The following GABBR2 variants were observed in gnomAD, a reference collection of about 807,000 sequenced individuals.
GABBR2 encodes gamma-aminobutyric acid type B receptor subunit 2.
In GABBR2, 23 loss-of-function variants were observed where a neutral mutation model predicts 105.6. That is an observed-to-expected ratio of 0.22 (90% CI 0.16 to 0.31). The LOEUF is 0.31. Ranked by LOEUF, GABBR2 falls within the 10% of genes least tolerant of loss-of-function variation. The pLI is 1.00. For missense variants in GABBR2, 734 were observed against 1,245.5 expected (o/e 0.59, Z 6.18); for synonymous variants, 478 against 499.7 (o/e 0.96, Z 0.58).
At chr9:98,617,222 C>A (rs1935682797) in intron 1 of GABBR2, among the ~76,000 whole-genome samples, 2 of 152,210 alleles carry the variant, frequency 1.3e-5, no homozygotes, top group African/African-American at 4.8e-5. Flanking sequence ...ACTAAACATG[C>A]ACTGGGTGCC....
At chr9:98,379,471 G>A (rs1469478179) in intron 11 of GABBR2, among the ~76,000 whole-genome samples, 2 of 152,178 alleles carry the variant, frequency 1.3e-5, no homozygotes, top group Non-Finnish European at 2.9e-5. Flanking sequence ...ATTTTACTAT[G>A]TTGGCCAGGT....
chr9:98,528,936 G>A (rs967812853), intron 3 of GABBR2, among the ~76,000 whole-genome samples: 1 of 151,584 alleles, frequency 6.6e-6, no homozygotes, highest in African/African-American at 2.4e-5. Context: ...AATCAGAGAT[G>A]TTCCCACAAA....
At chr9:98,385,150 CTA>C (rs1176088379) in intron 11 of GABBR2, among the ~76,000 whole-genome samples, 1 of 152,282 alleles carries the variant, frequency 6.6e-6, no homozygotes, top group East Asian at 1.9e-4. Context: ...CCCTCCTTTT[CTA>C]TGTTACTCTG....
At chr9:98,706,200 G>A (rs1213810280) in intron 1 of GABBR2, among the ~76,000 whole-genome samples, 4 of 151,588 alleles carry the variant, frequency 2.6e-5, no homozygotes, top group African/African-American at 9.7e-5. Context: ...ACTGGCCGCT[G>A]AGCCTGCCAG....
Position 98,293,951 on chromosome 9 carries a change from T to TA in GABBR2, c.2543-50dup, listed in dbSNP as rs1170945450. The TA allele has an allele frequency of 3.9e-5, 45 of 1,161,100 alleles. 1 individual carries two copies. Among genetic ancestry groups the TA allele is most frequent in the Non-Finnish European group, 5.7e-5 (44 of 770,224 alleles). 71.9% of individuals were successfully genotyped at this position (1,161,100 alleles called of 1,614,324 possible). A position where few individuals can be genotyped will look rare whatever the true frequency, so the allele number is the denominator to read the frequency against. ...CAACATGTTCGGTTAACTTAGTTTT[T>TA]AAAAATCAACAATGCAACTTTTTGT... On this transcript the variant is annotated intron_variant, in intron 17 of 18. Transcript: ENST00000259455.
At position 98,547,327 on chromosome 9, in the gene GABBR2, TTATAA is replaced by T. The variant is rs1211589439; in HGVS notation, c.460-5289_460-5285del. Among the ~76,000 whole-genome samples, 6 of 117,258 alleles carry T rather than the reference TTATAA, an allele frequency of 5.1e-5. 1 individual carries two copies. Among genetic ancestry groups the T allele is most frequent in the African/African-American group, 1.6e-4 (6 of 37,148 alleles). 76.9% of individuals were successfully genotyped at this position (117,258 alleles called of 152,430 possible). On this transcript the variant is annotated intron_variant, in intron 2 of 18. Coordinates refer to ENST00000259455, the MANE Select transcript of GABBR2 (RefSeq NM_005458.8). ...TGTATATTGTTTTATATTTATATTT[TTATAA>T]TATATTTAACATATTTATTACATAT...
At chr9:98,353,391 G>A (rs2131427938) in intron 13 of GABBR2, among the ~76,000 whole-genome samples, 1 of 152,126 alleles carries the variant, frequency 6.6e-6, no homozygotes, top group South Asian at 2.1e-4. Flanking sequence ...CATAAAAGTT[G>A]GAATAAACTT....
intron 7 of GABBR2, among the ~76,000 whole-genome samples, chr9:98,440,928 A>G (rs1159401110): frequency 6.6e-6 from 1 of 152,240 alleles, no homozygotes; most frequent in African/African-American, 2.4e-5. Flanking sequence ...ACACACACAC[A>G]GAGAGGGAGA....
intron 1 of GABBR2, among the ~76,000 whole-genome samples, chr9:98,659,075 G>A (rs531041916): frequency 1.1e-4 from 16 of 152,270 alleles, no homozygotes; most frequent in African/African-American, 2.2e-4. Context: ...ACTATTATAC[G>A]TCTTGAGGCA....
intron 3 of GABBR2, among the ~76,000 whole-genome samples, chr9:98,541,359 CT>C (rs11463257): frequency 6.6e-6 from 1 of 150,514 alleles, no homozygotes; most frequent in Non-Finnish European, 1.5e-5. Context: ...CATATTTTGG[CT>C]TTTTTTTCCC....
chr9:98,318,919 G>GGT (rs56004009), intron 13 of GABBR2, among the ~76,000 whole-genome samples: 3,970 of 129,208 alleles, frequency 0.031, 185 homozygotes, highest in African/African-American at 0.1. Context: ...GTGTGTTGGG[G>GGT]GTGTGTGTGT....
chr9:98,562,993 C>G (rs1828697585), intron 2 of GABBR2, among the ~76,000 whole-genome samples: 1 of 141,608 alleles, frequency 7.1e-6, no homozygotes, highest in Admixed American at 7.8e-5. Flanking sequence ...TCGCTTGAGC[C>G]CGGGAAATGG....
intron 1 of GABBR2, among the ~76,000 whole-genome samples, chr9:98,693,039 G>A (rs901764134): frequency 6.6e-6 from 1 of 152,158 alleles, no homozygotes; most frequent in Non-Finnish European, 1.5e-5. Flanking sequence ...CTCGACCCCC[G>A]GCGTGGCCTA....
Position 98,583,846 on chromosome 9 carries a change from C to T in GABBR2, c.322-5774G>A, listed in dbSNP as rs532011826. On this transcript the variant is annotated intron_variant, in intron 1 of 18. Coordinates refer to ENST00000259455, the MANE Select transcript of GABBR2 (RefSeq NM_005458.8). Reference sequence around the variant, plus strand: ...ACATTTTCCCTTCTCAAATGCTGCACGTGAAGATGTCCCCCTAAAGGGCTG... The same window carrying T: ...ACATTTTCCCTTCTCAAATGCTGCATGTGAAGATGTCCCCCTAAAGGGCTG... 3.9e-5 allele frequency among the ~76,000 whole-genome samples: 6 copies of T among 152,294 alleles called. No individual in the cohort carries two copies. In the South Asian group the frequency reaches 1.2e-3, roughly 32 times the overall value.
intron 13 of GABBR2, among the ~76,000 whole-genome samples, chr9:98,329,498 C>G (rs1303689853): frequency 1.3e-5 from 2 of 152,194 alleles, no homozygotes; most frequent in African/African-American, 4.8e-5. Context: ...CCTCTTGGAC[C>G]CTTGGGCTGG....
At chr9:98,605,463 T>A (rs980091416) in intron 1 of GABBR2, among the ~76,000 whole-genome samples, 4 of 152,236 alleles carry the variant, frequency 2.6e-5, no homozygotes, top group Admixed American at 2.6e-4. Context: ...ACAGAGCTAC[T>A]GTATGCCCAC....
chr9:98,645,713 G>A (rs1356385180), intron 1 of GABBR2, among the ~76,000 whole-genome samples: 1 of 152,116 alleles, frequency 6.6e-6, no homozygotes, highest in Non-Finnish European at 1.5e-5. Context: ...AGTTCCTTTG[G>A]GAACTTCCCC....
At chr9:98,512,897 G>A (rs1442500302) in intron 3 of GABBR2, among the ~76,000 whole-genome samples, 4 of 152,006 alleles carry the variant, frequency 2.6e-5, no homozygotes, top group East Asian at 1.9e-4. Flanking sequence ...CAGAATTGGA[G>A]AAAACTACTT....
intron 7 of GABBR2, among the ~76,000 whole-genome samples, chr9:98,424,557 C>T (rs376969279): frequency 3.4e-4 from 51 of 151,928 alleles, no homozygotes; most frequent in East Asian, 9.7e-4. Flanking sequence ...TGTTTGCAGA[C>T]GACATGATTG....
Sources: gnomAD v4.1 joint callset for allele counts (sites outside exome capture counted in the v4.1 genomes callset) on GRCh38, gnomAD v4.1.1 for gene constraint, MANE v1.5 for transcripts, NCBI Gene and HGNC (gene_info 2026-07-23, HGNC 2026-07-21) for gene names.